Variants in NUP205 observed in about 807,000 individuals in gnomAD.
NUP205 encodes nucleoporin 205.
NUP205 carries 76 observed loss-of-function variants against 253.8 expected under a neutral mutation model. The ratio of observed to expected loss-of-function variants is 0.30; its 90% CI spans 0.25 to 0.36. The LOEUF (loss-of-function observed/expected upper bound fraction) is 0.36, where lower values mean the gene tolerates loss of function less well. Among genes scored for constraint, NUP205 ranks in the 10% least tolerant of loss-of-function variants. The pLI, the probability that NUP205 is intolerant of heterozygous loss-of-function variation, is 1.00. For synonymous variants in NUP205, 832 were observed against 850.1 expected (o/e 0.98, Z 0.37); for missense variants, 2,162 against 2,425.5 (o/e 0.89, Z 2.28).
At chr7:135,574,307 G>C (rs1171280967) in intron 3 of NUP205, among the ~76,000 whole-genome samples, 1 of 152,144 alleles carries the variant, frequency 6.6e-6, no homozygotes, top group Non-Finnish European at 1.5e-5. Flanking sequence ...TAATGCATGA[G>C]TAGGTAAAAA....
chr7:135,576,150 G>A (rs765619826), intron 3 of NUP205, 120 bp from the exon 4 acceptor site: 24 of 733,682 alleles, frequency 3.3e-5, no homozygotes, highest in Admixed American at 7.4e-5. Context: ...AGGACCCCAG[G>A]GCCCCTTAAG....
chr7:135,646,374 G>C, intron 42 of NUP205, 143 bp downstream of exon 42: 1 of 634,168 alleles, frequency 1.6e-6, no homozygotes, highest in Non-Finnish European at 2.7e-6. Context: ...AGCAGTCTGG[G>C]CAACATAGTG....
intron 23 of NUP205, 48 bp downstream of exon 23, chr7:135,614,321 T>C: frequency 2.0e-6 from 2 of 979,372 alleles, no homozygotes; most frequent in Non-Finnish European, 3.3e-6. Flanking sequence ...TATAATTCCA[T>C]GTTAAGTGAT....
chr7:135,609,334 C>T (rs746053253), intron 22 of NUP205, among the ~76,000 whole-genome samples: 4 of 151,602 alleles, frequency 2.6e-5, no homozygotes, highest in South Asian at 2.1e-4. Context: ...AAAAATTAGC[C>T]GGGCATGGTG....
At position 135,648,379 on chromosome 7, in the gene NUP205, A is replaced by G. The variant is rs1795053838; in HGVS notation, c.5887-25A>G. On this transcript the variant is annotated intron_variant, in intron 42 of 42. Transcript: ENST00000285968. ...AAATATTTGAGACAACAATTTTAAC[A>G]AAATGTCTTTTGTGTCACCGCTAGC... The G allele has an allele frequency of 2.0e-6, 3 of 1,516,600 alleles. No individual in the cohort carries two copies. The East Asian group carries it at 7.5e-5, about 38-fold the overall frequency. The allele number at this position is 1,516,600 out of a possible 1,614,324, so 93.9% of individuals were successfully genotyped here. A position where few individuals can be genotyped will look rare whatever the true frequency, so the allele number is the denominator to read the frequency against.
chr7:135,616,220 T>C (rs552814094), intron 24 of NUP205, among the ~76,000 whole-genome samples, 155 bp downstream of exon 24: 178 of 152,352 alleles, frequency 1.2e-3, no homozygotes, highest in Admixed American at 1.6e-3. Flanking sequence ...TTAACTCATC[T>C]TATGATTGTC....
chr7:135,613,364 G>C (rs1037310867), intron 22 of NUP205, among the ~76,000 whole-genome samples: 12 of 150,384 alleles, frequency 8.0e-5, no homozygotes, highest in African/African-American at 2.9e-4. Flanking sequence ...ATTCTTTTTT[G>C]TTAAATTTTT....
intron 22 of NUP205, among the ~76,000 whole-genome samples, chr7:135,611,468 T>A (rs547499363): frequency 1.3e-5 from 2 of 152,340 alleles, no homozygotes; most frequent in South Asian, 4.1e-4. Flanking sequence ...CAAAACTGTT[T>A]AAAAGGTCAA....
chr7:135,608,951 A>C (rs1464231686), intron 22 of NUP205, among the ~76,000 whole-genome samples: 1 of 151,584 alleles, frequency 6.6e-6, no homozygotes, highest in Non-Finnish European at 1.5e-5. Context: ...AAATACAAAA[A>C]AAATTAGCTG....
intron 19 of NUP205, 57 bp from the exon 20 acceptor site, chr7:135,606,088 T>C (rs1480557084): frequency 3.5e-6 from 4 of 1,150,900 alleles, no homozygotes. Flanking sequence ...ATCATAGTTT[T>C]TCTAATATTT....
intron 16 of NUP205, 89 bp downstream of exon 16, chr7:135,601,058 C>T: frequency 1.5e-6 from 1 of 656,132 alleles, no homozygotes; most frequent in Non-Finnish European, 2.5e-6. Flanking sequence ...AAAAATTATA[C>T]TTTTAAATTA....
intron 13 of NUP205, among the ~76,000 whole-genome samples, chr7:135,595,109 C>T (rs1333512658): frequency 1.3e-5 from 2 of 152,160 alleles, no homozygotes; most frequent in Non-Finnish European, 2.9e-5. Flanking sequence ...TTCTTATCTG[C>T]TCTTTCCTGC....
chr7:135,574,418 C>T (rs1187039535), intron 3 of NUP205, among the ~76,000 whole-genome samples: 3 of 152,058 alleles, frequency 2.0e-5, no homozygotes, highest in East Asian at 3.9e-4. Flanking sequence ...AAGTAGGATC[C>T]GTAGAGAAGG....
intron 13 of NUP205, among the ~76,000 whole-genome samples, chr7:135,595,022 C>G (rs1290276165): frequency 6.6e-6 from 1 of 152,062 alleles, no homozygotes; most frequent in Non-Finnish European, 1.5e-5. Context: ...CAGAATTTGT[C>G]CACTCTGTCT....
At chr7:135,583,013 C>T (rs987283329) in intron 7 of NUP205, among the ~76,000 whole-genome samples, 1 of 152,076 alleles carries the variant, frequency 6.6e-6, no homozygotes, top group Non-Finnish European at 1.5e-5. Flanking sequence ...TCTCTTGAAC[C>T]TGGGAGGCGG....
At chr7:135,563,561 A>C (rs1178104099) in intron 1 of NUP205, among the ~76,000 whole-genome samples, 1 of 152,168 alleles carries the variant, frequency 6.6e-6, no homozygotes, top group Admixed American at 6.5e-5. Flanking sequence ...TACCTCACAC[A>C]TGGTGAATGA....
At position 135,615,948 on chromosome 7, in the gene NUP205, T is replaced by A. The variant is rs1470798787; in HGVS notation, c.3343T>A (p.Trp1115Arg). The A allele has an allele frequency of 2.5e-6, 4 of 1,613,536 alleles. No homozygotes were observed. Among genetic ancestry groups the A allele is most frequent in the Non-Finnish European group, 3.4e-6 (4 of 1,179,654 alleles). Residue 1115 changes from tryptophan (W) to arginine (R), a missense_variant, in exon 24 of 43, where the codon TGG (tryptophan) becomes AGG (arginine). Trp to Arg is a moderately radical substitution (Grantham distance 101). Around this residue, in one of 5 missense-constraint regions of NUP205, gnomAD observed 1,144 missense variants for 1,280.9 expected, o/e 0.89. Coordinates refer to ENST00000285968, the MANE Select transcript of NUP205 (RefSeq NM_015135.3). ...AATATCTATGCTGAACCAGATGTCA[T>A]GGCTTATGAAAACTGCCTCAATAGA... ...YEISMLNQMS[W>R]LMKTASIELR...
chr7:135,604,442 A>C lies in NUP205; in HGVS notation c.2805A>C (p.Gly935=). ...CTAATATTCAGATAAAGTTGGTTGG[A>C]GATTTCACACATGACCAGGTAACTG... ...CNSNIQIKLV[G]DFTHDQSISQ... is the part of the protein sequence containing the mutation. The change falls in exon 19 of 43, where the codon GGA becomes GGC. Residue 935 remains glycine (G), a synonymous_variant. Transcript: ENST00000285968. 1 of 1,605,666 alleles carries C rather than the reference A, an allele frequency of 6.2e-7. No individual in the cohort carries two copies. Among genetic ancestry groups the C allele is most frequent in the Non-Finnish European group, 8.5e-7 (1 of 1,177,962 alleles).
intron 32 of NUP205, 97 bp from the exon 33 acceptor site, chr7:135,626,143 C>A: frequency 7.0e-7 from 1 of 1,431,514 alleles, no homozygotes; most frequent in Non-Finnish European, 9.7e-7. Flanking sequence ...TCAGTGATAA[C>A]TAAGGATGAG....
Sources: allele counts gnomAD v4.1 joint callset (sites outside exome capture counted in the v4.1 genomes callset), GRCh38; gene constraint gnomAD v4.1.1; regional missense constraint gnomAD v4.1.1; transcripts MANE v1.5; gene names NCBI Gene and HGNC (gene_info 2026-07-23, HGNC 2026-07-21).